Variants in CACNA1E observed in about 807,000 individuals in gnomAD.
CACNA1E encodes calcium voltage-gated channel subunit alpha1 E.
In CACNA1E, 40 loss-of-function variants were observed where a neutral mutation model predicts 259.2. The observed-to-expected ratio is 0.15, with a 90% confidence interval of 0.12 to 0.20. The LOEUF (loss-of-function observed/expected upper bound fraction) is 0.20, where lower values mean the gene tolerates loss of function less well. CACNA1E is among the 10% of genes least tolerant of loss of function. CACNA1E has a pLI of 1.00. For synonymous variants in CACNA1E, 1,104 were observed against 1,138.5 expected (o/e 0.97, Z 0.61); for missense variants, 1,874 against 3,040.1 (o/e 0.62, Z 9.02).
intron 17 of CACNA1E, among the ~76,000 whole-genome samples, chr1:181,725,581 A>C (rs1427419056): frequency 1.3e-5 from 2 of 152,202 alleles, no homozygotes; most frequent in African/African-American, 2.4e-5. Context: ...AAGGGATGAG[A>C]TCTTGGCCTA....
chr1:181,515,046 C>T (rs1279204817), intron 3 of CACNA1E, among the ~76,000 whole-genome samples: 2 of 152,134 alleles, frequency 1.3e-5, no homozygotes, highest in East Asian at 3.8e-4. Context: ...CATCTCCTGG[C>T]TCCAAGTTCC....
chr1:181,480,839 C>T (rs1169525164), upstream of CACNA1E, among the ~76,000 whole-genome samples: 1 of 152,152 alleles, frequency 6.6e-6, no homozygotes, highest in Non-Finnish European at 1.5e-5. Context: ...TGTCATCACC[C>T]ATCTTGTTCA....
chr1:181,363,748 A>C, intron 1 of CACNA1E, among the ~76,000 whole-genome samples: 1 of 152,190 alleles, frequency 6.6e-6, no homozygotes, highest in East Asian at 1.9e-4. Context: ...ATGATGTGGG[A>C]AGTTGCCAAG....
intron 1 of CACNA1E, among the ~76,000 whole-genome samples, chr1:181,486,455 C>T (rs996692603): frequency 6.6e-6 from 1 of 152,198 alleles, no homozygotes; most frequent in African/African-American, 2.4e-5. Flanking sequence ...CCGTGGGAAA[C>T]GCACCTAAAT....
In CACNA1E at chr1:181,758,953, C is replaced by G; in HGVS notation, c.4605+85C>G. On this transcript the variant is annotated intron_variant, in intron 32 of 47. Coordinates refer to ENST00000367573, the MANE Select transcript of CACNA1E (RefSeq NM_001205293.3). This position sits in a 1 kb window ranked among gnomAD's most constrained non-coding sequence, Gnocchi z 4.2. ...GTCTTTGTTGAAGGGGAGGTGGTTA[C>G]TGCTATTCCAGAAATCACCCACCTA... is the stretch of plus-strand genomic sequence containing the variant. The G allele has an allele frequency of 2.6e-6, 2 of 764,282 alleles. No homozygotes were observed. The highest frequency in any genetic ancestry group is 2.3e-6 in the Non-Finnish European group (1 of 442,682). 47.3% of individuals were successfully genotyped at this position (764,282 alleles called of 1,614,324 possible). A position where few individuals can be genotyped will look rare whatever the true frequency, so the allele number is the denominator to read the frequency against.
chr1:181,422,340 T>C (rs1658810530), intron 2 of CACNA1E, among the ~76,000 whole-genome samples: 1 of 152,236 alleles, frequency 6.6e-6, no homozygotes, highest in Non-Finnish European at 1.5e-5. Flanking sequence ...AATGAATATT[T>C]ATGAATGTTC....
Position 181,484,136 on chromosome 1 carries a change from A to C in CACNA1E, c.266+126A>C, listed in dbSNP as rs539853123. On this transcript the variant is annotated intron_variant, in intron 1 of 47. Coordinates refer to ENST00000367573, the MANE Select transcript of CACNA1E (RefSeq NM_001205293.3). The stretch of plus-strand genomic sequence containing the variant: ...CCAATTTGCCCCTTTGCTGAAGCAC[A>C]CTCTTCGGTGCATCTAAGGGGCAAG... The C allele has an allele frequency of 1.2e-3, 1,114 of 930,438 alleles. 13 individuals are homozygous for C. In the Admixed American group the frequency reaches 0.015, roughly 12 times the overall value. The allele number at this position is 930,438 out of a possible 1,614,324, so 57.6% of individuals were successfully genotyped here. A position where few individuals can be genotyped will look rare whatever the true frequency, so the allele number is the denominator to read the frequency against.
At chr1:181,653,422 T>C (rs534234918) in intron 7 of CACNA1E, among the ~76,000 whole-genome samples, 71 of 152,330 alleles carry the variant, frequency 4.7e-4, no homozygotes, top group Non-Finnish European at 8.4e-4. Flanking sequence ...CCAAGTGAGA[T>C]GTGCCTTTCA....
At chr1:181,784,234 GC>G in intron 40 of CACNA1E, among the ~76,000 whole-genome samples, 1 of 152,250 alleles carries the variant, frequency 6.6e-6, no homozygotes, top group East Asian at 1.9e-4. Context: ...TGGACCTTTA[GC>G]CTTTCTGCTT....
chr1:181,642,055 G>C (rs1657836733), intron 6 of CACNA1E, among the ~76,000 whole-genome samples: 1 of 152,132 alleles, frequency 6.6e-6, no homozygotes, highest in South Asian at 2.1e-4. Flanking sequence ...AGGGAGCAGG[G>C]CTGTATATAA....
At chr1:181,738,937 T>C (rs968696682) in intron 24 of CACNA1E, among the ~76,000 whole-genome samples, 1 of 151,960 alleles carries the variant, frequency 6.6e-6, no homozygotes, top group African/African-American at 2.4e-5. Context: ...CCAAGGAGTC[T>C]AGTGAACCCT....
chr1:181,778,332 C>G (rs985612018), intron 38 of CACNA1E, among the ~76,000 whole-genome samples: 3 of 152,168 alleles, frequency 2.0e-5, no homozygotes, highest in Non-Finnish European at 4.4e-5. Flanking sequence ...TAAATTACCT[C>G]CTCTCAAGAG....
chr1:181,475,900 T>C (rs1192948873), intron 2 of CACNA1E, among the ~76,000 whole-genome samples: 3 of 151,854 alleles, frequency 2.0e-5, no homozygotes, highest in Admixed American at 2.0e-4. Flanking sequence ...CTAGATGTGG[T>C]GTGGAGGGGG....
intron 18 of CACNA1E, among the ~76,000 whole-genome samples, chr1:181,726,822 T>G: frequency 3.3e-5 from 5 of 150,676 alleles, no homozygotes; most frequent in South Asian, 2.1e-4. Context: ...TGAGAGGTAA[T>G]GGGGGTTTAG....
chr1:181,404,337 G>A lies in CACNA1E; in HGVS notation c.-14-8796G>A, dbSNP rs1039863231. Among the ~76,000 whole-genome samples the A allele has an allele frequency of 3.9e-5, 6 of 152,174 alleles. No homozygotes were observed. In the South Asian group the frequency reaches 6.2e-4, roughly 16 times the overall value. ...AGTGCCTTGTGTCTTATTGCAGAACGTCAGGGAACACCTGTCTGAGTTGTG... is the reference window on the plus strand; with the variant it reads ...AGTGCCTTGTGTCTTATTGCAGAACATCAGGGAACACCTGTCTGAGTTGTG... On this transcript the variant is annotated intron_variant, in intron 1 of 11. Transcript: ENST00000524607.
intron 1 of CACNA1E, among the ~76,000 whole-genome samples, chr1:181,375,537 T>C (rs1461620763): frequency 6.6e-6 from 1 of 152,238 alleles, no homozygotes; most frequent in Non-Finnish European, 1.5e-5. Flanking sequence ...GCTTACTTCG[T>C]CTATTCTAGG....
At chr1:181,686,283 T>TTTTTTTTTTTG (rs1553321328) in intron 7 of CACNA1E, among the ~76,000 whole-genome samples, 106 of 122,780 alleles carry the variant, frequency 8.6e-4, no homozygotes, top group African/African-American at 2.4e-3. Context: ...AAGTTTTTTT[T>TTTTTTTTTTTG]TTTTTTTTTT....
intron 27 of CACNA1E, among the ~76,000 whole-genome samples, chr1:181,752,879 G>A (rs1330042416): frequency 1.3e-5 from 2 of 152,118 alleles, no homozygotes; most frequent in African/African-American, 2.4e-5. Context: ...CTCCCCTGGG[G>A]TTCCACCTTC....
rs55919598 is a variant in CACNA1E at position 181,575,024 on chromosome 1, C to CA, written c.513-2729dup. Among the ~76,000 whole-genome samples the CA allele has an allele frequency of 1.5e-3, 216 of 147,520 alleles. 1 individual carries two copies. The highest frequency in any genetic ancestry group is 3.0e-3 in the African/African-American group (119 of 39,872). On this transcript the variant is annotated intron_variant, in intron 3 of 47. Coordinates refer to ENST00000367573, the MANE Select transcript of CACNA1E (RefSeq NM_001205293.3). ...TGGATGACAGAGCAAGACTCTGTCT[C>CA]AAAAAAAAAAAAAGAATCCCATTGT... is the stretch of plus-strand genomic sequence containing the variant.
Sources: allele counts gnomAD v4.1 joint callset (sites outside exome capture counted in the v4.1 genomes callset), GRCh38; gene constraint gnomAD v4.1.1; non-coding constraint Gnocchi (gnomAD v3.1); transcripts MANE v1.5; gene names NCBI Gene and HGNC (gene_info 2026-07-23, HGNC 2026-07-21).